THADA: variants seen among roughly 807,000 people sequenced by gnomAD.
THADA encodes THADA armadillo repeat containing.
A neutral mutation model predicts 219.8 loss-of-function variants in THADA; 213 were observed. The ratio of observed to expected loss-of-function variants is 0.97; its 90% CI spans 0.87 to 1.09. THADA has a LOEUF of 1.09. Among genes scored for constraint, THADA ranks in the 50% least tolerant of loss-of-function variants. The pLI, the probability that THADA is intolerant of heterozygous loss-of-function variation, is 0.00. For missense variants in THADA, 2,956 were observed against 2,311.3 expected (o/e 1.28, Z -5.72); for synonymous variants, 1,018 against 828.9 (o/e 1.23, Z -3.92).
chr2:43,390,287 A>C (rs113430720), intron 29 of THADA, among the ~76,000 whole-genome samples: 1 of 152,300 alleles, frequency 6.6e-6, no homozygotes, highest in Middle Eastern at 3.4e-3. Flanking sequence ...TTAAGTTTCT[A>C]AAGTAATGGC....
At chr2:43,236,520 G>C (rs562836595) in intron 36 of THADA, among the ~76,000 whole-genome samples, 4 of 152,268 alleles carry the variant, frequency 2.6e-5, no homozygotes, top group South Asian at 2.1e-4. Context: ...AGTCCATCAA[G>C]GAAACAAGAA....
intron 28 of THADA, among the ~76,000 whole-genome samples, chr2:43,399,152 C>T (rs1186915782): frequency 6.6e-6 from 1 of 152,178 alleles, no homozygotes; most frequent in Non-Finnish European, 1.5e-5. Flanking sequence ...ACCAGCTTAA[C>T]TAAGTTCTTT....
intron 28 of THADA, among the ~76,000 whole-genome samples, chr2:43,421,484 T>A (rs1366580485): frequency 2.0e-5 from 3 of 152,174 alleles, no homozygotes; most frequent in Non-Finnish European, 4.4e-5. Flanking sequence ...TGTTTCTACT[T>A]GTAATGAGCA....
Position 43,552,203 on chromosome 2 carries a change from C to A in THADA, c.2810+1G>T. 1.2e-6 allele frequency: 2 copies of A among 1,605,820 alleles called. No homozygotes were observed. The highest frequency in any genetic ancestry group is 2.3e-5 in the South Asian group (2 of 88,576). On this transcript the variant is annotated splice_donor_variant, in intron 18 of 37. Transcript: ENST00000405975. LOFTEE classifies it high-confidence loss of function. ...CAGGAGGCAGCTGTGGAAATCCTTA[C>A]TTTAGAGATAACTTCTGCAAAGCTC...
chr2:43,558,089 G>A (rs1329719230), intron 16 of THADA, among the ~76,000 whole-genome samples: 1 of 152,158 alleles, frequency 6.6e-6, no homozygotes, highest in African/African-American at 2.4e-5. Context: ...ATAATAAATA[G>A]CCTTTGAAGT....
chr2:43,345,903 A>G (rs933065674), intron 29 of THADA, among the ~76,000 whole-genome samples: 8 of 152,232 alleles, frequency 5.3e-5, no homozygotes, highest in Non-Finnish European at 1.2e-4. Context: ...ACTTAGTCCT[A>G]TATTTGCTCA....
At chr2:43,279,185 G>A (rs13397737) in intron 36 of THADA, among the ~76,000 whole-genome samples, 3 of 152,186 alleles carry the variant, frequency 2.0e-5, no homozygotes, top group East Asian at 1.9e-4. Context: ...GGCTGTAACC[G>A]CTTATACGAC....
chr2:43,278,088 TTACGGGTG>T, intron 36 of THADA, among the ~76,000 whole-genome samples: 1 of 152,002 alleles, frequency 6.6e-6, no homozygotes, highest in East Asian at 1.9e-4. Flanking sequence ...GTAGCTGGGA[TTACGGGTG>T]CCCGCCACCA....
At chr2:43,359,869 CT>C (rs1669305298) in intron 29 of THADA, among the ~76,000 whole-genome samples, 2 of 151,884 alleles carry the variant, frequency 1.3e-5, no homozygotes, top group South Asian at 4.2e-4. Flanking sequence ...AGGGATCCTC[CT>C]TCCTCAGCTT....
intron 29 of THADA, among the ~76,000 whole-genome samples, chr2:43,372,520 AG>A (rs1287246083): frequency 2.0e-5 from 3 of 152,120 alleles, no homozygotes; most frequent in Admixed American, 6.6e-5. Flanking sequence ...TTGGAGTTCT[AG>A]GGTCAGGAGT....
At chr2:43,554,841 C>T (rs1285415111) in intron 17 of THADA, among the ~76,000 whole-genome samples, 1 of 152,160 alleles carries the variant, frequency 6.6e-6, no homozygotes, top group African/African-American at 2.4e-5. Flanking sequence ...CTAAGTACTC[C>T]TTATCTGAAA....
chr2:43,343,915 C>T (rs1667336012), intron 30 of THADA: 1 of 465,438 alleles, frequency 2.1e-6, no homozygotes, highest in East Asian at 3.8e-5. Context: ...TTACATGCCC[C>T]TCAGTCACTT....
At position 43,471,351 on chromosome 2, in the gene THADA, C is replaced by G. The variant is rs141701699; in HGVS notation, c.3836+13883G>C. Among the ~76,000 whole-genome samples the G allele has an allele frequency of 5.0e-3, 758 of 152,046 alleles. 5 individuals carry two copies. Among genetic ancestry groups the G allele is most frequent in the African/African-American group, 0.017 (723 of 41,476 alleles). On this transcript the variant is annotated intron_variant, in intron 26 of 37. Coordinates refer to ENST00000405975, the MANE Select transcript of THADA (RefSeq NM_022065.5). ...GACCAGCCTGGGCAATGTAGTGAGACTCTCTCTCTACAAAAAATTATAAAA... is the reference window on the plus strand; with the variant it reads ...GACCAGCCTGGGCAATGTAGTGAGAGTCTCTCTCTACAAAAAATTATAAAA...
At chr2:43,448,635 A>G (rs1681900067) in intron 26 of THADA, among the ~76,000 whole-genome samples, 1 of 133,206 alleles carries the variant, frequency 7.5e-6, no homozygotes, top group South Asian at 2.4e-4. Context: ...ACAGATATTT[A>G]AAGTCTAGGA....
chr2:43,477,179 C>T (rs1184263708), intron 26 of THADA, among the ~76,000 whole-genome samples: 1 of 151,966 alleles, frequency 6.6e-6, no homozygotes. Flanking sequence ...CTGCTTTAAT[C>T]AGTATCCCGA....
intron 30 of THADA, among the ~76,000 whole-genome samples, chr2:43,337,080 C>T (rs1666543273): frequency 6.6e-6 from 1 of 152,156 alleles, no homozygotes; most frequent in African/African-American, 2.4e-5. Flanking sequence ...AATGTAAATC[C>T]TCCACAAGTC....
intron 36 of THADA, among the ~76,000 whole-genome samples, chr2:43,270,348 G>C (rs1347372090): frequency 2.6e-5 from 4 of 152,150 alleles, no homozygotes; most frequent in African/African-American, 9.7e-5. Context: ...CCTTGACAGA[G>C]GACCACCTGC....
chr2:43,261,046 G>C (rs375269614), intron 36 of THADA, among the ~76,000 whole-genome samples: 2 of 151,946 alleles, frequency 1.3e-5, no homozygotes, highest in South Asian at 4.2e-4. Flanking sequence ...TATTTTACCC[G>C]ATATGTAAAG....
chr2:43,485,470 T>TA (rs1283056169), intron 25 of THADA, 145 bp from the exon 26 acceptor site: 1,636 of 597,338 alleles, frequency 2.7e-3, no homozygotes, highest in South Asian at 4.8e-3. Flanking sequence ...ATAAAATAAT[T>TA]TAAAAAAAAA....
Sources: allele counts gnomAD v4.1 joint callset (sites outside exome capture counted in the v4.1 genomes callset), GRCh38; gene constraint gnomAD v4.1.1; transcripts MANE v1.5; gene names NCBI Gene and HGNC (gene_info 2026-07-23, HGNC 2026-07-21).